Variants in PRICKLE2 observed in about 807,000 individuals in gnomAD.
The protein encoded by PRICKLE2 is prickle planar cell polarity protein 2, also known as prickle-like protein 2.
In PRICKLE2, 21 loss-of-function variants were observed where a neutral mutation model predicts 81.4. That is an observed-to-expected ratio of 0.26 (90% CI 0.18 to 0.37). The LOEUF (loss-of-function observed/expected upper bound fraction) is 0.37. Ranked by LOEUF, PRICKLE2 falls within the 10% of genes least tolerant of loss-of-function variation. PRICKLE2 has a pLI of 1.00. For synonymous variants in PRICKLE2, 456 were observed against 421.5 expected (o/e 1.08, Z -1.00); for missense variants, 940 against 1,109.0 (o/e 0.85, Z 2.16).
At chr3:64,260,170 C>T (rs946935590) in intron 2 of PRICKLE2, among the ~76,000 whole-genome samples, 8 of 152,154 alleles carry the variant, frequency 5.3e-5, no homozygotes, top group African/African-American at 1.9e-4. Flanking sequence ...CTTTCCCAAA[C>T]TTGACCAGCC....
At chr3:64,192,991 C>A (rs561321329) in intron 2 of PRICKLE2, among the ~76,000 whole-genome samples, 1 of 152,166 alleles carries the variant, frequency 6.6e-6, no homozygotes, top group Non-Finnish European at 1.5e-5. Flanking sequence ...AATCCACTTG[C>A]ATCCAATGAA....
chr3:64,166,060 G>A (rs546889799), intron 2 of PRICKLE2, among the ~76,000 whole-genome samples: 4 of 151,770 alleles, frequency 2.6e-5, no homozygotes, highest in Non-Finnish European at 4.4e-5. Flanking sequence ...GTATATAAAA[G>A]GGTCTCATGA....
chr3:64,231,528 C>T (rs1273460530), intron 2 of PRICKLE2, among the ~76,000 whole-genome samples: 2 of 152,204 alleles, frequency 1.3e-5, no homozygotes, highest in Non-Finnish European at 2.9e-5. Flanking sequence ...TCCCTAAATA[C>T]GAACACTCAG....
intron 2 of PRICKLE2, among the ~76,000 whole-genome samples, chr3:64,198,167 G>A (rs904281738): frequency 9.2e-5 from 14 of 151,574 alleles, no homozygotes; most frequent in East Asian, 1.9e-4. Context: ...AGCCAAGATC[G>A]CGCCACTGCA....
chr3:64,250,418 G>A (rs529051496), intron 2 of PRICKLE2, among the ~76,000 whole-genome samples: 2 of 152,298 alleles, frequency 1.3e-5, no homozygotes, highest in South Asian at 4.1e-4. Context: ...GTTCAAACCA[G>A]CTAGGAACTG....
chr3:64,203,096 C>T (rs1365683407), intron 1 of PRICKLE2, among the ~76,000 whole-genome samples: 9 of 152,242 alleles, frequency 5.9e-5, no homozygotes, highest in African/African-American at 1.7e-4. Context: ...GAAACGAAAT[C>T]AGTTTAGTCT....
In PRICKLE2 at chr3:64,262,898, A is replaced by G. The variant is rs184822278; in HGVS notation, c.129-63931T>C. 7.6e-4 allele frequency among the ~76,000 whole-genome samples: 115 copies of G among 152,300 alleles called. 1 individual carries two copies. Among genetic ancestry groups the G allele is most frequent in the East Asian group, 1.9e-4 (1 of 5,158 alleles). Reference sequence around the variant, plus strand: ...ATGTAAATGACTTGTCCCATTGCTAATAAGTGGTGGAGCCACCGTTTTGAA... The same window carrying G: ...ATGTAAATGACTTGTCCCATTGCTAGTAAGTGGTGGAGCCACCGTTTTGAA... On this transcript the variant is annotated intron_variant, in intron 2 of 8. Coordinates refer to the PRICKLE2 transcript ENST00000295902.
intron 7 of PRICKLE2, among the ~76,000 whole-genome samples, chr3:64,113,553 G>A (rs953242197): frequency 2.6e-5 from 4 of 152,134 alleles, no homozygotes; most frequent in African/African-American, 9.7e-5. Flanking sequence ...CTTCCCCGGG[G>A]CCCATGGCAA....
intron 7 of PRICKLE2, chr3:64,101,850 C>T (rs1489841560): frequency 1.3e-5 from 2 of 152,156 alleles, no homozygotes; most frequent in Admixed American, 1.3e-4. Context: ...TAAAGTGTTT[C>T]CCTACACATT....
At position 64,178,988 on chromosome 3, in the gene PRICKLE2, TTTCTTTCTTTCTTTCTTTC is replaced by T. The variant is rs1013467281; in HGVS notation, c.145-15878_145-15860del. On this transcript the variant is annotated intron_variant, in intron 2 of 7. Transcript: ENST00000638394. ...TTTTCTTTCTTTCTTTCTTTCTTTC[TTTCTTTCTTTCTTTCTTTC>T]TTTCTTTCTTTCTTTCTTTCTTTCT... Among the ~76,000 whole-genome samples, 7 of 143,644 alleles carry T rather than the reference TTTCTTTCTTTCTTTCTTTC, an allele frequency of 4.9e-5. 1 individual carries two copies. Among genetic ancestry groups the T allele is most frequent in the African/African-American group, 1.9e-4 (7 of 37,622 alleles). The allele number at this position is 143,644 out of a possible 152,430, so 94.2% of individuals were successfully genotyped here. A position where few individuals can be genotyped will look rare whatever the true frequency, so the allele number is the denominator to read the frequency against.
At chr3:64,224,296 G>A (rs2079000221) in intron 1 of PRICKLE2, among the ~76,000 whole-genome samples, 4 of 152,180 alleles carry the variant, frequency 2.6e-5, no homozygotes, top group Admixed American at 2.6e-4. Context: ...GTAATGCTAT[G>A]ATTGGTTTTC....
chr3:64,225,112 C>T lies in PRICKLE2; in HGVS notation c.-243G>A. The T allele has an allele frequency of 2.0e-6, 2 of 985,480 alleles. No homozygotes were observed. The highest frequency in any genetic ancestry group is 2.4e-6 in the Non-Finnish European group (2 of 830,010). 61.0% of individuals were successfully genotyped at this position (985,480 alleles called of 1,614,324 possible). A position where few individuals can be genotyped will look rare whatever the true frequency, so the allele number is the denominator to read the frequency against. ...CTGGCAACAGACTCAAGCCGAGCTG[C>T]TCCACATTCCCTCAGGGAAAACAGC... On this transcript the variant is annotated 5_prime_UTR_variant, in exon 1 of 8. Transcript: ENST00000638394.
At chr3:64,107,038 T>C (rs1243678983) in intron 7 of PRICKLE2, among the ~76,000 whole-genome samples, 2 of 152,182 alleles carry the variant, frequency 1.3e-5, no homozygotes, top group Admixed American at 1.3e-4. Context: ...CTCAGGGTGA[T>C]GATAGAGTTA....
chr3:64,117,730 T>A (rs577096472), intron 7 of PRICKLE2, among the ~76,000 whole-genome samples: 1 of 152,174 alleles, frequency 6.6e-6, no homozygotes, highest in Admixed American at 6.5e-5. Flanking sequence ...ACACATTCCA[T>A]GCTCATTGAC....
chr3:64,244,982 G>T (rs1350910713), intron 2 of PRICKLE2, among the ~76,000 whole-genome samples: 1 of 152,096 alleles, frequency 6.6e-6, no homozygotes, highest in East Asian at 1.9e-4. Flanking sequence ...AATCATAGAT[G>T]CCTACCATAA....
At chr3:64,206,880 T>C (rs969971703) in intron 1 of PRICKLE2, among the ~76,000 whole-genome samples, 5 of 152,214 alleles carry the variant, frequency 3.3e-5, no homozygotes, top group African/African-American at 1.2e-4. Flanking sequence ...AATTCTTCCA[T>C]GACTCTAGCT....
At chr3:64,186,310 C>A (rs938423492) in intron 2 of PRICKLE2, among the ~76,000 whole-genome samples, 1 of 152,212 alleles carries the variant, frequency 6.6e-6, no homozygotes, top group Non-Finnish European at 1.5e-5. Context: ...TAAGTACTGA[C>A]ATCCTTGTTT....
chr3:64,132,416 C>T (rs748898567), intron 7 of PRICKLE2, among the ~76,000 whole-genome samples: 1 of 152,152 alleles, frequency 6.6e-6, no homozygotes, highest in Non-Finnish European at 1.5e-5. Context: ...TGCAGCTTGG[C>T]TGCAGCATTC....
chr3:64,202,670 G>GTGTGTA (rs1189973311), intron 1 of PRICKLE2, among the ~76,000 whole-genome samples: 2 of 151,686 alleles, frequency 1.3e-5, no homozygotes, highest in Non-Finnish European at 2.9e-5. Flanking sequence ...GTGTGTGTGT[G>GTGTGTA]TGTATTCTTT....
Sources: allele counts gnomAD v4.1 joint callset (sites outside exome capture counted in the v4.1 genomes callset), GRCh38; gene constraint gnomAD v4.1.1; transcripts MANE v1.5; gene names NCBI Gene and HGNC (gene_info 2026-07-23, HGNC 2026-07-21).